Variants in GSTM4 observed in about 807,000 individuals in gnomAD.
GSTM4 encodes glutathione S-transferase mu 4.
Under a neutral mutation model 30.1 loss-of-function variants are expected in GSTM4, and 27 were observed. The ratio of observed to expected loss-of-function variants is 0.90; its 90% CI spans 0.66 to 1.24. The LOEUF (loss-of-function observed/expected upper bound fraction) is 1.24. Ranked by LOEUF, GSTM4 falls within the 50% of genes most tolerant of loss-of-function variation. The probability of loss-of-function intolerance (pLI) is 0.00; values close to 1 mark genes in which losing one functional copy is unlikely to be tolerated. For missense variants in GSTM4, 238 were observed against 272.1 expected (o/e 0.87, Z 0.88); for synonymous variants, 94 against 96.2 (o/e 0.98, Z 0.13).
At chr1:109,656,935 T>C in intron 2 of GSTM4, 148 bp downstream of exon 2, 1 of 909,400 alleles carries the variant, frequency 1.1e-6, no homozygotes, top group Admixed American at 1.9e-5. Context: ...GGGAGTCCTG[T>C]GGCCTTGCAA....
chr1:109,665,124 T>A (rs951296313), downstream of GSTM4: 1 of 853,910 alleles, frequency 1.2e-6, no homozygotes, highest in Admixed American at 1.7e-5. Context: ...CAGAAGAGAT[T>A]TGCCTTTGAA....
At chr1:109,660,723 T>G (rs1004714990) in intron 7 of GSTM4, 2 of 178,274 alleles carry the variant, frequency 1.1e-5, no homozygotes, top group Admixed American at 1.1e-4. Context: ...GATGGGGATT[T>G]GACAGAAAGA....
At chr1:109,659,577 G>A (rs1181255503) in intron 7 of GSTM4, 4 of 422,286 alleles carry the variant, frequency 9.5e-6, no homozygotes, top group African/African-American at 2.0e-5. Flanking sequence ...TGGCATTGAC[G>A]TCGAGTACGA....
In GSTM4 at chr1:109,657,572, G is replaced by A. The variant is rs200579990; in HGVS notation, c.178-18G>A. The A allele has an allele frequency of 1.3e-4, 205 of 1,614,206 alleles. 1 individual carries two copies. Among genetic ancestry groups the A allele is most frequent in the Non-Finnish European group, 1.0e-4 (119 of 1,180,032 alleles). ...CCTGCTGGCCCAACTGAGCTTCCCC[G>A]GTTTCCCATCTATCCAGCTGCCCTA... On this transcript the variant is annotated intron_variant, in intron 3 of 7. Coordinates refer to ENST00000369836, the MANE Select transcript of GSTM4 (RefSeq NM_000850.5).
downstream of GSTM4, chr1:109,665,272 T>C: frequency 1.7e-6 from 1 of 587,258 alleles, no homozygotes; most frequent in Non-Finnish European, 3.0e-6. Context: ...TCCTGGGACC[T>C]CCACACTCCT....
downstream of GSTM4, chr1:109,665,294 C>T: frequency 1.8e-6 from 1 of 561,416 alleles, no homozygotes; most frequent in Non-Finnish European, 3.2e-6. Context: ...GTTCTCTGGC[C>T]TTCAGACTTG....
chr1:109,661,959 G>A (rs927853423), downstream of GSTM4, among the ~76,000 whole-genome samples: 5 of 151,998 alleles, frequency 3.3e-5, no homozygotes, highest in African/African-American at 1.2e-4. Context: ...CTCCCAAATA[G>A]CTGAGACTAT....
rs958492242 is a variant in GSTM4, at chr1:109,656,228, G to A, written c.-162G>A. The A allele has an allele frequency of 5.4e-6, 4 of 747,336 alleles. No homozygotes were observed. Among genetic ancestry groups the A allele is most frequent in the Middle Eastern group, 2.8e-4 (1 of 3,566 alleles). The allele number at this position is 747,336 out of a possible 1,614,324, so 46.3% of individuals were successfully genotyped here. On this transcript the variant is annotated 5_prime_UTR_variant, in exon 1 of 8. Transcript: ENST00000369836. ...GTTGGTTGGAAGTGACGACCTTGAA[G>A]ATCGGCCGGTTGGAAGTGACGACCT...
At chr1:109,662,107 G>A (rs1652345210), downstream of GSTM4, among the ~76,000 whole-genome samples, 1 of 152,198 alleles carries the variant, frequency 6.6e-6, no homozygotes, top group African/African-American at 2.4e-5. Context: ...GATTGCAGGT[G>A]TGAGCCACCA....
intron 3 of GSTM4, 21 bp downstream of exon 3, chr1:109,657,300 G>A: frequency 7.4e-6 from 12 of 1,611,358 alleles, no homozygotes; most frequent in Non-Finnish European, 9.3e-6. Flanking sequence ...GGGAAGGGGC[G>A]GTTTTGGGGG....
intron 1 of GSTM4, 110 bp from the exon 2 acceptor site, chr1:109,656,602 G>GT (rs1652005752): frequency 1.4e-6 from 1 of 710,494 alleles, no homozygotes; most frequent in Non-Finnish European, 2.3e-6. Flanking sequence ...GTGCGCCGGG[G>GT]TGGGGGGGGG....
downstream of GSTM4, chr1:109,661,891 C>T (rs539480647): frequency 6.1e-4 from 115 of 189,460 alleles, 1 homozygote; most frequent in African/African-American, 2.4e-3. Flanking sequence ...AGGGCAGTGG[C>T]GGCATCGTAG....
intron 7 of GSTM4, chr1:109,659,707 C>T (rs2101224736): frequency 2.6e-6 from 1 of 391,150 alleles, no homozygotes; most frequent in East Asian, 7.5e-5. Flanking sequence ...TGTGGGTGCC[C>T]CTGTTGAAGG....
downstream of GSTM4, chr1:109,665,453 A>G (rs370373923): frequency 1.6e-5 from 3 of 190,902 alleles, no homozygotes; most frequent in East Asian, 2.6e-4. Context: ...GCCAATTCCC[A>G]TAACAGATAG....
chr1:109,659,802 TC>T, intron 7 of GSTM4: 1 of 592,136 alleles, frequency 1.7e-6, no homozygotes, highest in Non-Finnish European at 3.1e-6. Context: ...TTCCAAGTGT[TC>T]CCCCTGTGAG....
rs1651975434 is a variant in GSTM4 at position 109,656,317 on chromosome 1, G to A, written c.-73G>A. On this transcript the variant is annotated 5_prime_UTR_variant, in exon 1 of 8. Transcript: ENST00000369836. ...CTGGCGCTAGGTCCAGCCCCTGCGT[G>A]CCGGGAACCCCAGAGGAGGTCGCAG... 6.8e-7 allele frequency: 1 copy of A among 1,477,830 alleles called. No individual in the cohort carries two copies. The highest frequency in any genetic ancestry group is 9.5e-7 in the Non-Finnish European group (1 of 1,056,046). 91.5% of individuals were successfully genotyped at this position (1,477,830 alleles called of 1,614,324 possible). A position where few individuals can be genotyped will look rare whatever the true frequency, so the allele number is the denominator to read the frequency against.
At position 109,656,398 on chromosome 1, in the gene GSTM4, G is replaced by A. The variant is rs200004205; in HGVS notation, c.9G>A (p.Met3Ile). The change falls in exon 1 of 8, where the codon ATG becomes ATA. Residue 3 changes from methionine (M) to isoleucine (I), a missense_variant. Coordinates refer to ENST00000369836, the MANE Select transcript of GSTM4 (RefSeq NM_000850.5). Reference protein sequence around the residue: MSMTLGYWDIRGL... With the variant: MSITLGYWDIRGL... ...CGACACCAACCAGCATCATGTCCAT[G>A]ACACTGGGGTACTGGGACATCCGCG... 36 of 1,613,890 alleles carry A rather than the reference G, an allele frequency of 2.2e-5. No homozygotes were observed. Among genetic ancestry groups the A allele is most frequent in the Middle Eastern group, 1.6e-4 (1 of 6,084 alleles).
At chr1:109,659,302 A>G in intron 7 of GSTM4, 192 bp downstream of exon 7, 1 of 1,566,602 alleles carries the variant, frequency 6.4e-7, no homozygotes, top group Non-Finnish European at 8.7e-7. Context: ...ACAGGGTGAC[A>G]GAATTATCTT....
At chr1:109,664,824 T>C (rs895840968), downstream of GSTM4, among the ~76,000 whole-genome samples, 4 of 152,176 alleles carry the variant, frequency 2.6e-5, no homozygotes, top group Admixed American at 2.0e-4. Flanking sequence ...AGTGTGTGCA[T>C]GTTTCTGCCA....
Sources: gnomAD v4.1 joint callset for allele counts (sites outside exome capture counted in the v4.1 genomes callset) on GRCh38, gnomAD v4.1.1 for gene constraint, MANE v1.5 for transcripts, NCBI Gene and HGNC (gene_info 2026-07-23, HGNC 2026-07-21) for gene names.